The following TENM3 variants were observed in gnomAD, a reference collection of about 807,000 sequenced individuals.
The protein encoded by TENM3 is teneurin-3.
TENM3 carries 63 observed loss-of-function variants against 255.1 expected under a neutral mutation model. The observed-to-expected ratio is 0.25, with a 90% CI of 0.20 to 0.30. The LOEUF (loss-of-function observed/expected upper bound fraction) is 0.30, where lower values mean the gene tolerates loss of function less well. Among genes scored for constraint, TENM3 ranks in the 10% least tolerant of loss-of-function variants. The pLI is 1.00. For missense variants in TENM3, 2,929 were observed against 3,461.1 expected, an observed-to-expected ratio of 0.85 and a Z score of 3.86; for synonymous variants, 1,306 against 1,322.3, an observed-to-expected ratio of 0.99 and a Z score of 0.27.
the TENM3 span, among the ~76,000 whole-genome samples, chr4:181,989,264 GAGC>G: frequency 6.6e-6 from 1 of 151,984 alleles, no homozygotes; most frequent in African/African-American, 2.4e-5. Context: ...GAAAAACAAG[GAGC>G]AGCTCTGTGT....
the TENM3 span, among the ~76,000 whole-genome samples, chr4:181,538,076 A>T: frequency 6.6e-6 from 1 of 152,200 alleles, no homozygotes; most frequent in Non-Finnish European, 1.5e-5. Flanking sequence ...ATTTATTGGC[A>T]CAATATTTTC....
At chr4:181,831,968 TTGTGTGTG>T in the TENM3 span, among the ~76,000 whole-genome samples, 12,548 of 132,562 alleles carry the variant, frequency 0.095, 630 homozygotes, top group African/African-American at 0.14. Context: ...ATATATTACA[TTGTGTGTG>T]TGTGTGTGTG....
the TENM3 span, among the ~76,000 whole-genome samples, chr4:181,748,606 T>C: frequency 6.6e-6 from 1 of 152,110 alleles, no homozygotes; most frequent in African/African-American, 2.4e-5. Context: ...AGAAACAGAC[T>C]TTTCATGTTT....
chr4:182,469,442 C>CGGT (rs1732906945), intron 3 of TENM3, among the ~76,000 whole-genome samples: 1 of 152,128 alleles, frequency 6.6e-6, no homozygotes, highest in Non-Finnish European at 1.5e-5. Flanking sequence ...AGGCCAAGCA[C>CGGT]GGTGGCTCAT....
chr4:182,242,425 A>T (rs567493027), upstream of TENM3, among the ~76,000 whole-genome samples: 1 of 152,018 alleles, frequency 6.6e-6, no homozygotes, highest in East Asian at 1.9e-4. Context: ...TCCATGGTGT[A>T]TATGTGCCAC....
chr4:181,746,386 A>T, the TENM3 span, among the ~76,000 whole-genome samples: 1 of 152,092 alleles, frequency 6.6e-6, no homozygotes, highest in Non-Finnish European at 1.5e-5. Flanking sequence ...AATGTTGGAA[A>T]GGGTGAGAGT....
At chr4:182,116,351 T>C in the TENM3 span, among the ~76,000 whole-genome samples, 13 of 146,918 alleles carry the variant, frequency 8.8e-5, no homozygotes, top group East Asian at 1.9e-3. Context: ...GCTTCTGATA[T>C]GGTTTGGCTG....
intron 1 of TENM3, among the ~76,000 whole-genome samples, chr4:182,272,531 A>G (rs569523077): frequency 6.6e-6 from 1 of 152,196 alleles, no homozygotes; most frequent in Non-Finnish European, 1.5e-5. Flanking sequence ...ACACATACAT[A>G]AGAACTCACA....
In TENM3 at chr4:182,793,481, T is replaced by C. The variant is rs373435967; in HGVS notation, c.6809T>C (p.Ile2270Thr). 3.7e-6 allele frequency: 6 copies of C among 1,613,962 alleles called. No homozygotes were observed. Among genetic ancestry groups the C allele is most frequent in the Non-Finnish European group, 4.2e-6 (5 of 1,179,884 alleles). Residue 2270 changes from isoleucine to threonine, a missense_variant, in exon 26 of 28, where the codon ATT becomes ACT. Coordinates refer to ENST00000511685, the MANE Select transcript of TENM3 (RefSeq NM_001080477.4). The surrounding 1 kb of genome is among the most constrained non-coding windows in gnomAD (Gnocchi z 5.7). ...GTCTACAACCATTCGAGTTCAGAAA[T>C]TACCTCCCTGTATTATGATCTCCAA... ...THVYNHSSSE[I>T]TSLYYDLQGH...
At chr4:181,986,074 G>A in the TENM3 span, among the ~76,000 whole-genome samples, 28 of 152,054 alleles carry the variant, frequency 1.8e-4, no homozygotes, top group Non-Finnish European at 1.5e-5. Context: ...TTGGCTGAAC[G>A]ACCAAGGGTT....
At chr4:182,790,971 CCCAA>C (rs1766062280) in intron 25 of TENM3, among the ~76,000 whole-genome samples, 1 of 151,988 alleles carries the variant, frequency 6.6e-6, no homozygotes, top group South Asian at 2.1e-4. Context: ...CATCGTCTCT[CCCAA>C]AACCCATCAA....
intron 3 of TENM3, among the ~76,000 whole-genome samples, chr4:182,450,780 A>G (rs1773392246): frequency 6.6e-6 from 1 of 152,238 alleles, no homozygotes; most frequent in Non-Finnish European, 1.5e-5. Flanking sequence ...ATTAGCTGTG[A>G]AGATAGAGAA....
intron 3 of TENM3, among the ~76,000 whole-genome samples, chr4:182,438,330 C>G (rs1772200994): frequency 6.6e-6 from 1 of 152,142 alleles, no homozygotes; most frequent in Middle Eastern, 3.2e-3. Flanking sequence ...TTTAAGTAGT[C>G]TAAAGCTTAA....
the TENM3 span, among the ~76,000 whole-genome samples, chr4:181,902,587 C>A: frequency 1.3e-5 from 2 of 152,142 alleles, no homozygotes; most frequent in African/African-American, 2.4e-5. Context: ...GAATACTATG[C>A]AGCCATGAAA....
At chr4:182,230,913 C>T (rs918756107) in intron 1 of TENM3, among the ~76,000 whole-genome samples, 2 of 143,716 alleles carry the variant, frequency 1.4e-5, no homozygotes, top group Admixed American at 1.5e-4. Flanking sequence ...GCAGGTTTCC[C>T]CAGCAACGGA....
chr4:181,575,075 T>G, the TENM3 span, among the ~76,000 whole-genome samples: 1 of 152,202 alleles, frequency 6.6e-6, no homozygotes, highest in African/African-American at 2.4e-5. Context: ...AAACATAAAG[T>G]AAAATTCTTG....
At chr4:182,651,333 A>G (rs916668828) in intron 5 of TENM3, among the ~76,000 whole-genome samples, 2 of 152,234 alleles carry the variant, frequency 1.3e-5, no homozygotes, top group African/African-American at 2.4e-5. Flanking sequence ...ATGAAGTTAT[A>G]CCTTTTTACA....
chr4:182,241,209 G>A (rs1397604618), upstream of TENM3, among the ~76,000 whole-genome samples: 2 of 152,068 alleles, frequency 1.3e-5, no homozygotes, highest in Non-Finnish European at 2.9e-5. Context: ...TCAGCTTCTG[G>A]GCACTTAATA....
At chr4:182,428,042 T>G (rs999385863) in intron 3 of TENM3, among the ~76,000 whole-genome samples, 1 of 152,068 alleles carries the variant, frequency 6.6e-6, no homozygotes, top group Non-Finnish European at 1.5e-5. Context: ...ATGCATCTAA[T>G]GTATTTGCTA....
Sources: gnomAD v4.1 joint callset for allele counts (sites outside exome capture counted in the v4.1 genomes callset) on GRCh38, gnomAD v4.1.1 for gene constraint, Gnocchi (gnomAD v3.1) non-coding constraint, MANE v1.5 for transcripts, NCBI Gene and HGNC (gene_info 2026-07-23, HGNC 2026-07-21) for gene names.